The following TLL1 variants were observed in gnomAD, a reference collection of about 807,000 sequenced individuals.
TLL1 encodes the protein tolloid-like protein 1.
Under a neutral mutation model 128.2 loss-of-function variants are expected in TLL1, and 49 were observed. The ratio of observed to expected loss-of-function variants is 0.38; its 90% confidence interval spans 0.30 to 0.48. TLL1 has a LOEUF of 0.48. Among genes scored for constraint, TLL1 ranks in the 20% least tolerant of loss-of-function variants. TLL1 has a pLI of 0.96. For missense variants in TLL1, 1,123 were observed against 1,242.0 expected, an observed-to-expected ratio of 0.90 and a Z score of 1.44; for synonymous variants, 454 against 418.8, an observed-to-expected ratio of 1.08 and a Z score of -1.03.
chr4:166,017,810 T>C (rs773035712), intron 8 of TLL1, among the ~76,000 whole-genome samples: 6 of 152,150 alleles, frequency 3.9e-5, no homozygotes, highest in Non-Finnish European at 8.8e-5. Flanking sequence ...GCCCTACATA[T>C]AGTTGTATGT....
chr4:166,030,487 T>G, intron 9 of TLL1: 2 of 616,760 alleles, frequency 3.2e-6, no homozygotes, highest in East Asian at 5.9e-5. Flanking sequence ...TGTCTTCTGA[T>G]GAACACAAAT....
chr4:165,890,006 G>T (rs533119958), intron 1 of TLL1, among the ~76,000 whole-genome samples: 1 of 152,168 alleles, frequency 6.6e-6, no homozygotes, highest in Non-Finnish European at 1.5e-5. Flanking sequence ...TATGGCTGGG[G>T]AGGCCTCAGG....
At chr4:165,896,065 G>A (rs952828287) in intron 1 of TLL1, among the ~76,000 whole-genome samples, 13 of 151,848 alleles carry the variant, frequency 8.6e-5, no homozygotes, top group South Asian at 8.3e-4. Flanking sequence ...GTATTTCTCC[G>A]AATGCTATCC....
intron 7 of TLL1, among the ~76,000 whole-genome samples, chr4:166,013,406 G>C (rs1737792237): frequency 6.6e-6 from 1 of 151,786 alleles, no homozygotes; most frequent in Non-Finnish European, 1.5e-5. Context: ...TGAAAATGCT[G>C]TTCTTTTAAT....
At chr4:166,032,176 C>G (rs1336057518) in intron 9 of TLL1, among the ~76,000 whole-genome samples, 1 of 151,916 alleles carries the variant, frequency 6.6e-6, no homozygotes. Context: ...TAAAATATAA[C>G]ATATTTTAGA....
chr4:165,943,959 T>G (rs1262700926), intron 1 of TLL1, among the ~76,000 whole-genome samples: 5 of 152,150 alleles, frequency 3.3e-5, no homozygotes, highest in Non-Finnish European at 7.4e-5. Context: ...TAGTTTCAGA[T>G]AAAGTCTTGT....
chr4:165,986,815 GAAAAT>G (rs1274666449), intron 1 of TLL1, among the ~76,000 whole-genome samples: 2 of 151,962 alleles, frequency 1.3e-5, no homozygotes, highest in Admixed American at 6.6e-5. Context: ...GCCATTACAA[GAAAAT>G]AAAATCTGAA....
chr4:166,051,098 A>C (rs1328342267), intron 12 of TLL1, among the ~76,000 whole-genome samples: 1 of 152,102 alleles, frequency 6.6e-6, no homozygotes, highest in Admixed American at 6.6e-5. Flanking sequence ...GCTTACCTTA[A>C]AGTGTGTAAG....
At chr4:165,991,825 T>C (rs1388350145) in intron 2 of TLL1, among the ~76,000 whole-genome samples, 4 of 152,032 alleles carry the variant, frequency 2.6e-5, no homozygotes, top group Non-Finnish European at 5.9e-5. Flanking sequence ...CTATGAACCA[T>C]AGATACTCCA....
intron 5 of TLL1, among the ~76,000 whole-genome samples, chr4:166,000,226 T>C (rs1737083228): frequency 2.0e-5 from 3 of 152,210 alleles, no homozygotes; most frequent in African/African-American, 7.2e-5. Context: ...TAAGATAATA[T>C]TTAGACATTT....
rs965798014 is a variant in TLL1, at chr4:166,008,011, G to A, written c.880G>A (p.Asp294Asn). The A allele has an allele frequency of 4.3e-6, 7 of 1,609,768 alleles. No individual in the cohort carries two copies. In the South Asian group the frequency reaches 4.4e-5, roughly 10 times the overall value. The change falls in exon 7 of 21, where the codon GAC (aspartate) becomes AAC (asparagine). Residue 294 changes from aspartate to asparagine, a missense_variant. Physicochemically the swap from Asp to Asn is conservative, Grantham distance 23 (BLOSUM62 1). This residue lies in a region of TLL1 where 480 missense variants were observed against 542.4 expected (regional missense o/e 0.89). Coordinates refer to ENST00000061240, the MANE Select transcript of TLL1 (RefSeq NM_012464.5). ...CTCACTTGGAGAAAGATATGATTTC[G>A]ACAGTATCATGCACTATGCCAGGAA... The part of the protein sequence containing the change: ...VNSLGERYDF[D>N]SIMHYARNTF...
At chr4:166,063,076 T>C (rs1740407075) in intron 15 of TLL1, among the ~76,000 whole-genome samples, 1 of 152,116 alleles carries the variant, frequency 6.6e-6, no homozygotes, top group Non-Finnish European at 1.5e-5. Context: ...GGAGAAAATT[T>C]TTACAATCTA....
At chr4:165,876,414 G>A (rs931512313) in intron 1 of TLL1, among the ~76,000 whole-genome samples, 28 of 152,270 alleles carry the variant, frequency 1.8e-4, no homozygotes, top group Non-Finnish European at 3.5e-4. Context: ...AAAAGAGAAG[G>A]TACTTTCCAG....
chr4:165,989,135 A>G (rs1055175800), intron 1 of TLL1, among the ~76,000 whole-genome samples: 2 of 152,060 alleles, frequency 1.3e-5, no homozygotes, highest in Non-Finnish European at 2.9e-5. Flanking sequence ...TAACCTTCTT[A>G]TTCAAGGAAA....
At position 166,091,274 on chromosome 4, in the gene TLL1, A is replaced by G; in HGVS notation, c.2589A>G (p.Lys863=). 2 of 1,613,156 alleles carry G rather than the reference A, an allele frequency of 1.2e-6. No homozygotes were observed. Among genetic ancestry groups the G allele is most frequent in the Non-Finnish European group, 1.7e-6 (2 of 1,179,450 alleles). ...ATCCCCTTGTGGCTACTGGAAATAA[A>G]ATGTTTGTTCGGTTTGTTTCTGATG... ...IPDPLVATGN[K]MFVRFVSDAS... is the part of the protein sequence containing the mutation. The change falls in exon 19 of 21, where the codon AAA becomes AAG. Residue 863 remains lysine, a synonymous_variant. Transcript: ENST00000061240.
At chr4:165,990,166 T>C (rs1298458421) in intron 2 of TLL1, among the ~76,000 whole-genome samples, 1 of 151,922 alleles carries the variant, frequency 6.6e-6, no homozygotes, top group Non-Finnish European at 1.5e-5. Flanking sequence ...AACAATTTTT[T>C]AAATTAAAAT....
chr4:165,907,289 CT>C (rs1455941157), intron 1 of TLL1, among the ~76,000 whole-genome samples: 1 of 151,964 alleles, frequency 6.6e-6, no homozygotes, highest in East Asian at 1.9e-4. Context: ...GTAGACATTT[CT>C]TTTAACATGG....
chr4:166,101,260 G>C lies in TLL1; in HGVS notation c.*384G>C. ...TTTAGGGACATAAAATGATCTTGCAGGTCGTAAACTGGAAAACAGTATTTT... is the reference window on the plus strand; with the variant it reads ...TTTAGGGACATAAAATGATCTTGCACGTCGTAAACTGGAAAACAGTATTTT... On this transcript the variant is annotated 3_prime_UTR_variant, in exon 21 of 21. Coordinates refer to ENST00000061240, the MANE Select transcript of TLL1 (RefSeq NM_012464.5). 4 of 279,784 alleles carry C rather than the reference G, an allele frequency of 1.4e-5. No individual in the cohort carries two copies. In the South Asian group the frequency reaches 1.5e-4, roughly 11 times the overall value. The allele number at this position is 279,784 out of a possible 1,614,324, so 17.3% of individuals were successfully genotyped here. A position where few individuals can be genotyped will look rare whatever the true frequency, so the allele number is the denominator to read the frequency against.
chr4:165,886,802 G>A (rs968389262), intron 1 of TLL1, among the ~76,000 whole-genome samples: 1 of 152,022 alleles, frequency 6.6e-6, no homozygotes, highest in Non-Finnish European at 1.5e-5. Flanking sequence ...ATCTGTAGTT[G>A]GTTGAATCTG....
Sources: gnomAD v4.1 joint callset for allele counts (sites outside exome capture counted in the v4.1 genomes callset) on GRCh38, gnomAD v4.1.1 for gene constraint, gnomAD v4.1.1 regional missense constraint, MANE v1.5 for transcripts, NCBI Gene and HGNC (gene_info 2026-07-23, HGNC 2026-07-21) for gene names.